The following LSAMP variants were observed in gnomAD, a reference collection of about 807,000 sequenced individuals.
LSAMP encodes the protein limbic system-associated membrane protein.
Under a neutral mutation model 38.6 loss-of-function variants are expected in LSAMP, and 7 were observed. That is an observed-to-expected ratio of 0.18 (90% CI 0.10 to 0.34). The LOEUF is 0.34. Ranked by LOEUF, LSAMP falls within the 10% of genes least tolerant of loss-of-function variation. LSAMP has a pLI of 1.00. For missense variants in LSAMP, 313 were observed against 420.0 expected (o/e 0.75, Z 2.23); for synonymous variants, 154 against 166.8 (o/e 0.92, Z 0.59).
chr3:116,367,666 C>T (rs2107787054), intron 1 of LSAMP, among the ~76,000 whole-genome samples: 1 of 151,750 alleles, frequency 6.6e-6, no homozygotes, highest in East Asian at 2.0e-4. Flanking sequence ...TGCCACCACA[C>T]CCAACTAGTT....
intron 1 of LSAMP, among the ~76,000 whole-genome samples, chr3:116,410,933 A>G (rs942114239): frequency 7.2e-5 from 11 of 152,116 alleles, no homozygotes; most frequent in Admixed American, 6.6e-4. Flanking sequence ...TCTCCAGGCC[A>G]TAGGTGGCTG....
intron 1 of LSAMP, among the ~76,000 whole-genome samples, chr3:116,318,480 C>T (rs1474814976): frequency 6.6e-6 from 1 of 152,130 alleles, no homozygotes; most frequent in African/African-American, 2.4e-5. Flanking sequence ...ACTCAGTAAG[C>T]CTCTCACTTG....
At chr3:116,371,997 C>T (rs1477663049) in intron 1 of LSAMP, among the ~76,000 whole-genome samples, 8 of 151,898 alleles carry the variant, frequency 5.3e-5, no homozygotes, top group Non-Finnish European at 4.4e-5. Flanking sequence ...ACAATAAAAA[C>T]TATAAAACAT....
chr3:116,182,889 G>T (rs1232393280), intron 1 of LSAMP, among the ~76,000 whole-genome samples: 1 of 151,806 alleles, frequency 6.6e-6, no homozygotes, highest in South Asian at 2.1e-4. Context: ...TCCAAATTTT[G>T]CCATCACAAT....
intron 1 of LSAMP, among the ~76,000 whole-genome samples, chr3:116,359,091 AT>A (rs764695133): frequency 3.9e-5 from 6 of 152,328 alleles, no homozygotes; most frequent in Admixed American, 2.6e-4. Flanking sequence ...TGTGGTTACT[AT>A]AAAATATTAT....
intron 3 of LSAMP, among the ~76,000 whole-genome samples, chr3:115,876,382 T>G (rs1267975308): frequency 6.6e-6 from 1 of 150,444 alleles, no homozygotes; most frequent in Non-Finnish European, 1.5e-5. Flanking sequence ...TTTTACACAC[T>G]CTGACCAGTA....
rs149302176 is a variant in LSAMP, at chr3:116,052,945, T to C, written c.389-33305A>G. Among the ~76,000 whole-genome samples, 989 of 152,294 alleles carry C rather than the reference T, an allele frequency of 6.5e-3. 9 individuals carry two copies. The highest frequency in any genetic ancestry group is 0.023 in the African/African-American group (942 of 41,558). On this transcript the variant is annotated intron_variant, in intron 2 of 6. Coordinates refer to ENST00000490035, the MANE Select transcript of LSAMP (RefSeq NM_002338.5). ...ATAGTGGAATGCAGAGTGAAACCAC[T>C]GGAAATAAAATCTGGGTAAAATGTC...
intron 2 of LSAMP, among the ~76,000 whole-genome samples, chr3:116,082,804 C>T (rs977000882): frequency 6.6e-6 from 1 of 152,116 alleles, no homozygotes; most frequent in African/African-American, 2.4e-5. Context: ...CCAAATACCA[C>T]AGGTTCTCAC....
intron 1 of LSAMP, among the ~76,000 whole-genome samples, chr3:116,151,804 G>A (rs193243984): frequency 1.8e-3 from 280 of 152,096 alleles, no homozygotes; most frequent in African/African-American, 5.9e-3. Context: ...CCCTGTGCTC[G>A]CCACTCCACA....
At chr3:116,377,603 G>A (rs185034167) in intron 1 of LSAMP, among the ~76,000 whole-genome samples, 51 of 152,066 alleles carry the variant, frequency 3.4e-4, no homozygotes, top group African/African-American at 1.2e-3. Context: ...CCTAGTAATT[G>A]GATTGCTGGG....
intron 5 of LSAMP, 97 bp downstream of exon 5, chr3:115,842,361 T>C (rs1272978550): frequency 3.4e-6 from 5 of 1,453,736 alleles, no homozygotes; most frequent in Non-Finnish European, 4.6e-6. Flanking sequence ...TAGTTCTACA[T>C]AATTACAACT....
intron 3 of LSAMP, among the ~76,000 whole-genome samples, chr3:115,908,387 A>G (rs1024030537): frequency 6.6e-6 from 1 of 151,944 alleles, no homozygotes; most frequent in Non-Finnish European, 1.5e-5. Context: ...TATCTAGCTA[A>G]CAGAGAAGCT....
chr3:116,445,487 C>T lies in LSAMP; in HGVS notation c.-456G>A. 4.9e-6 allele frequency: 2 copies of T among 409,514 alleles called. No individual in the cohort carries two copies. The highest frequency in any genetic ancestry group is 3.7e-5 in the East Asian group (1 of 27,146). 25.4% of individuals were successfully genotyped at this position (409,514 alleles called of 1,614,324 possible). ...TGAGTGTACAGAAACAGCCACACAG[C>T]AGCAGCAGCAGCAGAAGCAGCAGCA... On this transcript the variant is annotated 5_prime_UTR_variant, in exon 1 of 7. Coordinates refer to ENST00000490035, the MANE Select transcript of LSAMP (RefSeq NM_002338.5).
rs138041840 is a variant in LSAMP, at chr3:116,141,333, G to A, written c.156-54777C>T. ...AAGAGACATGCAAAGAAGGGGATGC[G>A]GAGAAGAGTGAGAAGAAATGGAGGG... On this transcript the variant is annotated intron_variant, in intron 1 of 6. Transcript: ENST00000490035. Among the ~76,000 whole-genome samples, 14 of 151,920 alleles carry A rather than the reference G, an allele frequency of 9.2e-5. No homozygotes were observed. In the East Asian group the frequency reaches 1.4e-3, roughly 15 times the overall value.
intron 1 of LSAMP, among the ~76,000 whole-genome samples, chr3:116,397,224 T>C (rs1458174782): frequency 6.6e-6 from 1 of 152,150 alleles, no homozygotes; most frequent in Non-Finnish European, 1.5e-5. Context: ...TTTGATTTCA[T>C]GTATTTTCTC....
At chr3:115,825,610 G>T (rs1392431536) in intron 6 of LSAMP, among the ~76,000 whole-genome samples, 1 of 152,172 alleles carries the variant, frequency 6.6e-6, no homozygotes, top group Non-Finnish European at 1.5e-5. Flanking sequence ...ATCCATGTGT[G>T]ACCATACAAT....
At chr3:116,180,481 G>A (rs762461574) in intron 1 of LSAMP, among the ~76,000 whole-genome samples, 37 of 151,986 alleles carry the variant, frequency 2.4e-4, no homozygotes, top group Non-Finnish European at 4.9e-4. Context: ...CCATAGGGAA[G>A]ATTTCTGGGA....
At chr3:115,898,599 A>G (rs1010791909) in intron 3 of LSAMP, among the ~76,000 whole-genome samples, 1 of 32,678 alleles carries the variant, frequency 3.1e-5, no homozygotes, top group African/African-American at 1.5e-4. Flanking sequence ...ATGAAGATGC[A>G]TATATATATA....
chr3:116,105,131 T>C (rs192203235), intron 1 of LSAMP, among the ~76,000 whole-genome samples: 52 of 150,718 alleles, frequency 3.5e-4, no homozygotes, highest in Non-Finnish European at 5.4e-4. Flanking sequence ...AAGGCATTCA[T>C]AGAACTCTTG....
Sources: gnomAD v4.1 joint callset for allele counts (sites outside exome capture counted in the v4.1 genomes callset) on GRCh38, gnomAD v4.1.1 for gene constraint, MANE v1.5 for transcripts, NCBI Gene and HGNC (gene_info 2026-07-23, HGNC 2026-07-21) for gene names.